Variants in GRM7 observed in about 807,000 individuals in gnomAD.
The protein encoded by GRM7 is glutamate metabotropic receptor 7, also known as metabotropic glutamate receptor 7.
Under a neutral mutation model 84.5 loss-of-function variants are expected in GRM7, and 35 were observed. The ratio of observed to expected loss-of-function variants is 0.41; its 90% CI spans 0.32 to 0.55. GRM7 has a LOEUF of 0.55. Ranked by LOEUF, GRM7 falls within the 20% of genes least tolerant of loss-of-function variation. GRM7 has a pLI of 0.19. For missense variants in GRM7, 1,003 were observed against 1,194.6 expected, an observed-to-expected ratio of 0.84 and a Z score of 2.36; for synonymous variants, 487 against 455.1, an observed-to-expected ratio of 1.07 and a Z score of -0.89.
At chr3:7,396,909 C>T (rs544218276) in intron 4 of GRM7, among the ~76,000 whole-genome samples, 5 of 152,014 alleles carry the variant, frequency 3.3e-5, no homozygotes, top group Admixed American at 1.3e-4. Flanking sequence ...ATTCTCCTTT[C>T]CTATAAATTA....
intron 1 of GRM7, among the ~76,000 whole-genome samples, chr3:7,030,395 A>G (rs1696146792): frequency 6.6e-6 from 1 of 152,196 alleles, no homozygotes; most frequent in South Asian, 2.1e-4. Context: ...TATGTTCATT[A>G]TCTTGATTTT....
chr3:7,275,366 T>G (rs2124984706), intron 2 of GRM7, among the ~76,000 whole-genome samples: 1 of 152,282 alleles, frequency 6.6e-6, no homozygotes, highest in East Asian at 1.9e-4. Context: ...TAGCTAGGCA[T>G]GATGTACCTG....
chr3:6,947,568 T>G (rs532059282), intron 1 of GRM7, among the ~76,000 whole-genome samples: 4 of 152,342 alleles, frequency 2.6e-5, no homozygotes, highest in Admixed American at 2.6e-4. Flanking sequence ...GCTGGCCTCA[T>G]AAAATGAGTT....
intron 9 of GRM7, among the ~76,000 whole-genome samples, chr3:7,718,831 C>T (rs1345286875): frequency 6.6e-6 from 1 of 152,142 alleles, no homozygotes; most frequent in East Asian, 1.9e-4. Context: ...GCCTCTAGAA[C>T]AGCAGGGTCT....
intron 6 of GRM7, among the ~76,000 whole-genome samples, chr3:7,455,750 T>C (rs1050807918): frequency 2.6e-5 from 4 of 152,166 alleles, no homozygotes; most frequent in Non-Finnish European, 4.4e-5. Context: ...ATTAATCTTA[T>C]GCTAGAAAAA....
At chr3:7,442,960 C>T (rs1188764573) in intron 5 of GRM7, among the ~76,000 whole-genome samples, 2 of 151,172 alleles carry the variant, frequency 1.3e-5, no homozygotes, top group Non-Finnish European at 2.9e-5. Context: ...CTCTTGCCTC[C>T]CCCCCATACC....
chr3:7,197,694 G>T (rs982063748), intron 2 of GRM7, among the ~76,000 whole-genome samples: 1 of 126,656 alleles, frequency 7.9e-6, no homozygotes, highest in South Asian at 2.3e-4. Context: ...TACTTTTTAC[G>T]ACAAGTTTTT....
intron 1 of GRM7, among the ~76,000 whole-genome samples, chr3:6,900,032 A>G (rs1696328915): frequency 6.6e-6 from 1 of 152,236 alleles, no homozygotes; most frequent in Non-Finnish European, 1.5e-5. Flanking sequence ...ATGGATACAG[A>G]TATAACAGCT....
At chr3:7,005,454 A>T (rs1467623472) in intron 1 of GRM7, among the ~76,000 whole-genome samples, 1 of 152,226 alleles carries the variant, frequency 6.6e-6, no homozygotes, top group Non-Finnish European at 1.5e-5. Flanking sequence ...AAAGTTCTGA[A>T]AGCCTCTCAA....
intron 4 of GRM7, among the ~76,000 whole-genome samples, chr3:7,332,951 A>G (rs1311580215): frequency 6.6e-6 from 1 of 152,098 alleles, no homozygotes; most frequent in African/African-American, 2.4e-5. Context: ...TGAGAAACAC[A>G]GGTACTTATC....
At chr3:7,667,103 A>G (rs932072636) in intron 8 of GRM7, among the ~76,000 whole-genome samples, 7 of 152,038 alleles carry the variant, frequency 4.6e-5, no homozygotes, top group Non-Finnish European at 1.0e-4. Flanking sequence ...TGTCTCTACA[A>G]AAAACAAACA....
intron 2 of GRM7, among the ~76,000 whole-genome samples, chr3:7,167,081 T>C (rs923205553): frequency 1.3e-5 from 2 of 152,244 alleles, no homozygotes; most frequent in African/African-American, 4.8e-5. Context: ...TGTATTTTAA[T>C]ATTCACTGTT....
Position 6,861,457 on chromosome 3 carries a change from G to A in GRM7, c.69G>A (p.Val23=). The part of the protein sequence containing the change: ...LMKFPCCVLE[V]LLCALAAAAR... ...AGTTCCCCTGCTGCGTGCTGGAGGT[G>A]CTCCTGTGCGCGCTGGCGGCGGCGG... The change falls in exon 1 of 10, where the codon GTG becomes GTA. Residue 23 remains valine, a synonymous_variant. Coordinates refer to ENST00000357716, the MANE Select transcript of GRM7 (RefSeq NM_000844.4). This position sits in a 1 kb window ranked among gnomAD's most constrained non-coding sequence, Gnocchi z 6.4. 3 of 1,597,982 alleles carry A rather than the reference G, an allele frequency of 1.9e-6. No individual in the cohort carries two copies. The highest frequency in any genetic ancestry group is 2.2e-5 in the South Asian group (2 of 88,914).
chr3:7,167,600 G>A (rs893355964), intron 2 of GRM7, among the ~76,000 whole-genome samples: 9 of 152,056 alleles, frequency 5.9e-5, no homozygotes, highest in Non-Finnish European at 1.0e-4. Flanking sequence ...TGGGTCCTTC[G>A]GAATCTTCTT....
At chr3:7,407,460 A>G (rs1695731008) in intron 4 of GRM7, among the ~76,000 whole-genome samples, 3 of 152,172 alleles carry the variant, frequency 2.0e-5, no homozygotes, top group Admixed American at 2.0e-4. Context: ...TTGTTACTTT[A>G]CAGTGCCTCG....
At position 7,200,842 on chromosome 3, in the gene GRM7, A is replaced by G. The variant is rs1205385641; in HGVS notation, c.736+54174A>G. Among the ~76,000 whole-genome samples, 4 of 151,094 alleles carry G rather than the reference A, an allele frequency of 2.6e-5. No individual in the cohort carries two copies. In the East Asian group the frequency reaches 7.8e-4, roughly 30 times the overall value. On this transcript the variant is annotated intron_variant, in intron 2 of 9. Transcript: ENST00000357716. ...CAAACCTGTCACTCCTCCTCACCGT[A>G]TTTCTTCCTTTAGTAACCTAGTAGA...
intron 8 of GRM7, among the ~76,000 whole-genome samples, chr3:7,621,666 T>A (rs1697362809): frequency 6.6e-6 from 1 of 152,134 alleles, no homozygotes; most frequent in South Asian, 2.1e-4. Context: ...GGGACATGTT[T>A]TTTTGTTGCT....
At chr3:7,706,036 A>G (rs1271334729) in intron 9 of GRM7, among the ~76,000 whole-genome samples, 1 of 152,176 alleles carries the variant, frequency 6.6e-6, no homozygotes, top group African/African-American at 2.4e-5. Context: ...ACAATGTATC[A>G]GAGGTAAAAA....
intron 2 of GRM7, among the ~76,000 whole-genome samples, chr3:7,240,780 A>G (rs138103061): frequency 1.3e-5 from 2 of 152,332 alleles, no homozygotes; most frequent in Admixed American, 1.3e-4. Flanking sequence ...AGACACATGC[A>G]GCATAACAAT....
Sources: gnomAD v4.1 joint callset for allele counts (sites outside exome capture counted in the v4.1 genomes callset) on GRCh38, gnomAD v4.1.1 for gene constraint, Gnocchi (gnomAD v3.1) non-coding constraint, MANE v1.5 for transcripts, NCBI Gene and HGNC (gene_info 2026-07-23, HGNC 2026-07-21) for gene names.